VEGFC: variants seen among roughly 807,000 people sequenced by gnomAD.
VEGFC encodes the protein vascular endothelial growth factor C.
Under a neutral mutation model 46.1 loss-of-function variants are expected in VEGFC, and 12 were observed. That is an observed-to-expected ratio of 0.26 (90% CI 0.17 to 0.42). The LOEUF is 0.42. VEGFC is among the 10% of genes least tolerant of loss of function. The pLI, the probability that VEGFC is intolerant of heterozygous loss-of-function variation, is 1.00. For synonymous variants in VEGFC, 232 were observed against 195.5 expected (o/e 1.19, Z -1.56); for missense variants, 488 against 529.4 (o/e 0.92, Z 0.77).
intron 3 of VEGFC, among the ~76,000 whole-genome samples, chr4:176,718,669 T>G (rs1415194955): frequency 1.3e-5 from 2 of 152,152 alleles, no homozygotes; most frequent in African/African-American, 4.8e-5. Context: ...CTGGCACTAA[T>G]GAACACAGCA....
chr4:176,765,325 A>G (rs1735600260), intron 1 of VEGFC, among the ~76,000 whole-genome samples: 1 of 152,006 alleles, frequency 6.6e-6, no homozygotes, highest in South Asian at 2.1e-4. Flanking sequence ...TGACATAGAG[A>G]TATAGAGCAG....
intron 1 of VEGFC, among the ~76,000 whole-genome samples, chr4:176,733,000 A>G (rs1263777266): frequency 6.6e-6 from 1 of 151,944 alleles, no homozygotes; most frequent in East Asian, 1.9e-4. Context: ...TAAGCAGTTT[A>G]CAAACCAACA....
chr4:176,693,912 T>C (rs1734257671), intron 4 of VEGFC, among the ~76,000 whole-genome samples: 1 of 151,546 alleles, frequency 6.6e-6, no homozygotes. Context: ...TAAAATACTT[T>C]ACAGACAAGC....
intron 3 of VEGFC, among the ~76,000 whole-genome samples, chr4:176,713,907 T>C (rs1314270009): frequency 1.3e-5 from 2 of 152,066 alleles, no homozygotes; most frequent in African/African-American, 4.8e-5. Context: ...GGAAGTCAAA[T>C]GTAACAAGAA....
In VEGFC at chr4:176,705,516, G is replaced by A. The variant is rs115138934; in HGVS notation, c.704+5983C>T. Among the ~76,000 whole-genome samples, 148 of 152,166 alleles carry A rather than the reference G, an allele frequency of 9.7e-4. 1 individual carries two copies. The highest frequency in any genetic ancestry group is 3.5e-3 in the African/African-American group (145 of 41,512). On this transcript the variant is annotated intron_variant, in intron 4 of 6. Transcript: ENST00000618562. ...AGAAGATATTGGGGGGAACACATGGGTTTCAGAAATAAAATGATTTTAATT... is the reference window on the plus strand; with the variant it reads ...AGAAGATATTGGGGGGAACACATGGATTTCAGAAATAAAATGATTTTAATT...
At chr4:176,758,464 A>AG (rs1735470751) in intron 1 of VEGFC, among the ~76,000 whole-genome samples, 1 of 152,150 alleles carries the variant, frequency 6.6e-6, no homozygotes, top group South Asian at 2.1e-4. Flanking sequence ...TCCCAGAGCT[A>AG]GGACATGCAC....
At chr4:176,712,196 C>A (rs190634310) in intron 3 of VEGFC, among the ~76,000 whole-genome samples, 12 of 152,000 alleles carry the variant, frequency 7.9e-5, no homozygotes, top group Admixed American at 7.9e-4. Context: ...TGTCTTAGAT[C>A]TCTTATAAAT....
chr4:176,786,497 T>G (rs988142290), intron 1 of VEGFC, among the ~76,000 whole-genome samples: 1 of 152,212 alleles, frequency 6.6e-6, no homozygotes, highest in Admixed American at 6.5e-5. Context: ...TTCCCAGGCC[T>G]GCCCATGCAA....
intron 4 of VEGFC, among the ~76,000 whole-genome samples, chr4:176,700,897 G>A (rs1384254291): frequency 6.6e-6 from 1 of 152,046 alleles, no homozygotes; most frequent in Non-Finnish European, 1.5e-5. Context: ...ACGTTATGAG[G>A]GTATAAGAGT....
intron 1 of VEGFC, among the ~76,000 whole-genome samples, chr4:176,758,600 A>C (rs1371429353): frequency 6.6e-6 from 1 of 152,140 alleles, no homozygotes; most frequent in Non-Finnish European, 1.5e-5. Context: ...GTAGCTTCCC[A>C]AATCGACAGC....
Position 176,728,022 on chromosome 4 carries a change from A to G in VEGFC, c.362-54T>C, listed in dbSNP as rs561776807. ...TTTACGGAAACCACCAAGATAAAAA[A>G]AGCCCACAGCAGCTGCAAATCACTC... On this transcript the variant is annotated intron_variant, in intron 2 of 6. Transcript: ENST00000618562. 458 of 1,457,780 alleles carry G rather than the reference A, an allele frequency of 3.1e-4. No individual in the cohort carries two copies. In the Middle Eastern group the frequency reaches 7.1e-3, roughly 23 times the overall value. 90.3% of individuals were successfully genotyped at this position (1,457,780 alleles called of 1,614,324 possible). A position where few individuals can be genotyped will look rare whatever the true frequency, so the allele number is the denominator to read the frequency against.
intron 4 of VEGFC, among the ~76,000 whole-genome samples, chr4:176,691,906 G>A (rs976329427): frequency 6.6e-6 from 1 of 152,158 alleles, no homozygotes; most frequent in Non-Finnish European, 1.5e-5. Flanking sequence ...TCTCACTAGG[G>A]AGTGCCAGAC....
chr4:176,722,780 G>C (rs1305583849), intron 3 of VEGFC, among the ~76,000 whole-genome samples: 1 of 152,048 alleles, frequency 6.6e-6, no homozygotes, highest in Non-Finnish European at 1.5e-5. Flanking sequence ...GATTACAGGT[G>C]TAAGCCACAG....
In VEGFC at chr4:176,727,880, G is replaced by T. The variant is rs1269836397; in HGVS notation, c.450C>A (p.Thr150=). The part of the protein sequence containing the change: ...VGKEFGVATN[T]FFKPPCVSVY... ...CGGACACACATGGAGGTTTAAAGAA[G>T]GTGTTTGTCGCGACTCCAAACTCCT... The change falls in exon 3 of 7, where the codon ACC becomes ACA. Residue 150 remains threonine (T), a synonymous_variant. Coordinates refer to ENST00000618562, the MANE Select transcript of VEGFC (RefSeq NM_005429.5). 1 of 1,613,844 alleles carries T rather than the reference G, an allele frequency of 6.2e-7. No homozygotes were observed. The highest frequency in any genetic ancestry group is 8.5e-7 in the Non-Finnish European group (1 of 1,179,914).
intron 6 of VEGFC, 113 bp downstream of exon 6, chr4:176,687,074 A>G: frequency 8.7e-7 from 1 of 1,149,232 alleles, no homozygotes; most frequent in South Asian, 1.6e-5. Flanking sequence ...TGTCTTTCAG[A>G]ATGTATTGGC....
At chr4:176,711,706 T>C (rs1489724294) in intron 3 of VEGFC, 56 bp from the exon 4 acceptor site, 19 of 1,578,274 alleles carry the variant, frequency 1.2e-5, no homozygotes, top group African/African-American at 1.1e-4. Flanking sequence ...AAAGCACTTT[T>C]ATGGTAAATA....
intron 1 of VEGFC, among the ~76,000 whole-genome samples, chr4:176,781,929 A>C (rs1422607412): frequency 6.6e-6 from 1 of 152,214 alleles, no homozygotes; most frequent in Non-Finnish European, 1.5e-5. Context: ...AATTACCACA[A>C]GGGAGAAAGT....
At chr4:176,731,747 T>A (rs1276324838) in intron 1 of VEGFC, among the ~76,000 whole-genome samples, 1 of 151,962 alleles carries the variant, frequency 6.6e-6, no homozygotes, top group Non-Finnish European at 1.5e-5. Flanking sequence ...TACAACATCC[T>A]TACACAATAT....
intron 1 of VEGFC, among the ~76,000 whole-genome samples, chr4:176,732,342 A>T (rs1734981488): frequency 6.6e-6 from 1 of 152,110 alleles, no homozygotes; most frequent in South Asian, 2.1e-4. Context: ...ACTAAAGTTC[A>T]AGTTCATTCT....
Sources: gnomAD v4.1 joint callset for allele counts (sites outside exome capture counted in the v4.1 genomes callset) on GRCh38, gnomAD v4.1.1 for gene constraint, MANE v1.5 for transcripts, NCBI Gene and HGNC (gene_info 2026-07-23, HGNC 2026-07-21) for gene names.